Variants in R3HDM1 observed in about 807,000 individuals in gnomAD.
R3HDM1 encodes R3H domain containing 1, also known as R3H domain-containing protein 1.
R3HDM1 carries 46 observed loss-of-function variants against 141.1 expected under a neutral mutation model. The observed-to-expected ratio is 0.33, with a 90% confidence interval of 0.26 to 0.42. The LOEUF (loss-of-function observed/expected upper bound fraction) is 0.42, where lower values mean the gene tolerates loss of function less well. Among genes scored for constraint, R3HDM1 ranks in the 10% least tolerant of loss-of-function variants. R3HDM1 has a pLI of 1.00. For synonymous variants in R3HDM1, 435 were observed against 472.9 expected, an observed-to-expected ratio of 0.92 and a Z score of 1.04; for missense variants, 1,184 against 1,368.3, an observed-to-expected ratio of 0.87 and a Z score of 2.12.
intron 1 of R3HDM1, among the ~76,000 whole-genome samples, chr2:135,583,243 AT>A (rs200649600): frequency 4.0e-5 from 6 of 151,476 alleles, no homozygotes; most frequent in South Asian, 4.2e-4. Flanking sequence ...CATAATACTG[AT>A]TTTTTTTTCA....
chr2:135,586,592 T>A (rs149787428), intron 1 of R3HDM1: 959 of 533,324 alleles, frequency 1.8e-3, no homozygotes, highest in Middle Eastern at 5.7e-3. Flanking sequence ...CCATAATTTT[T>A]GTTAGAGGAT....
At chr2:135,681,942 C>T (rs2070379718) in intron 21 of R3HDM1, among the ~76,000 whole-genome samples, 1 of 151,694 alleles carries the variant, frequency 6.6e-6, no homozygotes, top group Admixed American at 6.6e-5. Flanking sequence ...TGCAAAACTG[C>T]TACAAAATGA....
At chr2:135,546,058 G>A (rs910536299) in intron 1 of R3HDM1, among the ~76,000 whole-genome samples, 2 of 152,152 alleles carry the variant, frequency 1.3e-5, no homozygotes, top group Admixed American at 1.3e-4. Context: ...TGCCTTTCGA[G>A]CAAGTGCCTG....
chr2:135,560,423 C>G (rs1259199370), intron 1 of R3HDM1, among the ~76,000 whole-genome samples: 1 of 152,146 alleles, frequency 6.6e-6, no homozygotes. Context: ...AAGTGATTCT[C>G]CCACCTCAGC....
chr2:135,585,177 T>A (rs1707599961), intron 1 of R3HDM1, among the ~76,000 whole-genome samples: 1 of 152,184 alleles, frequency 6.6e-6, no homozygotes, highest in Non-Finnish European at 1.5e-5. Context: ...GTTTGAAGAT[T>A]TAGGAAGATT....
At chr2:135,652,792 T>G (rs1298756144) in intron 18 of R3HDM1, among the ~76,000 whole-genome samples, 1 of 152,224 alleles carries the variant, frequency 6.6e-6, no homozygotes, top group Non-Finnish European at 1.5e-5. Flanking sequence ...AGGGAAGGTT[T>G]TTAAATTACA....
intron 21 of R3HDM1, among the ~76,000 whole-genome samples, chr2:135,704,497 CAG>C (rs2074638049): frequency 2.1e-5 from 3 of 141,196 alleles, no homozygotes; most frequent in Admixed American, 1.4e-4. Flanking sequence ...TTTTTTGAGA[CAG>C]AGTCTCTTTC....
chr2:135,687,519 C>A (rs925053875), intron 21 of R3HDM1, among the ~76,000 whole-genome samples: 9 of 151,928 alleles, frequency 5.9e-5, no homozygotes, highest in Non-Finnish European at 1.3e-4. Context: ...TTTCTGAGCT[C>A]TGTTCCAGAT....
At chr2:135,621,737 C>A (rs1174480796) in intron 6 of R3HDM1, 129 bp downstream of exon 6, 3 of 1,282,302 alleles carry the variant, frequency 2.3e-6, no homozygotes, top group Non-Finnish European at 1.0e-6. Flanking sequence ...AAGGATGATA[C>A]AGTACTTAAC....
rs538966781 is a variant in R3HDM1 at position 135,608,405 on chromosome 2, C to G, written c.171+3389C>G. Among the ~76,000 whole-genome samples, 409 of 152,076 alleles carry G rather than the reference C, an allele frequency of 2.7e-3. 3 individuals carry two copies. Among genetic ancestry groups the G allele is most frequent in the Middle Eastern group, 6.8e-3 (2 of 294 alleles). On this transcript the variant is annotated intron_variant, in intron 3 of 26. Coordinates refer to ENST00000683871, the MANE Select transcript of R3HDM1 (RefSeq NM_001378107.1). ...TTTTGAGGCCCAAAATGCTTTCATCCAAGGTGCCTGGCAAGGGGTGTACAG... is the reference window on the plus strand; with the variant it reads ...TTTTGAGGCCCAAAATGCTTTCATCGAAGGTGCCTGGCAAGGGGTGTACAG...
At chr2:135,570,352 A>G (rs548604039) in intron 1 of R3HDM1, among the ~76,000 whole-genome samples, 1 of 152,328 alleles carries the variant, frequency 6.6e-6, no homozygotes, top group Admixed American at 6.5e-5. Context: ...CTGTAGGAAT[A>G]CATAAGCAAA....
intron 21 of R3HDM1, among the ~76,000 whole-genome samples, chr2:135,706,958 G>A (rs1393545619): frequency 6.6e-6 from 1 of 151,818 alleles, no homozygotes; most frequent in Non-Finnish European, 1.5e-5. Flanking sequence ...GGGCGGCCGG[G>A]CAGAGGCGCC....
At chr2:135,639,170 A>G (rs778673139) in intron 14 of R3HDM1, 48 bp downstream of exon 14, 4 of 1,559,464 alleles carry the variant, frequency 2.6e-6, no homozygotes, top group Non-Finnish European at 3.5e-6. Flanking sequence ...TAGTTTTCCT[A>G]ATGTTGTCTC....
At chr2:135,614,003 G>A (rs2060785896) in intron 3 of R3HDM1, among the ~76,000 whole-genome samples, 1 of 152,198 alleles carries the variant, frequency 6.6e-6, no homozygotes, top group African/African-American at 2.4e-5. Flanking sequence ...ATGGGGTTCT[G>A]TTTGACTTTA....
chr2:135,673,040 G>A (rs926327544), intron 19 of R3HDM1, among the ~76,000 whole-genome samples: 1 of 152,224 alleles, frequency 6.6e-6, no homozygotes, highest in Non-Finnish European at 1.5e-5. Context: ...CCAGTAGGTG[G>A]TGGTTGCAGT....
chr2:135,569,466 A>G (rs1703557620), intron 1 of R3HDM1, among the ~76,000 whole-genome samples: 1 of 151,874 alleles, frequency 6.6e-6, no homozygotes, highest in African/African-American at 2.4e-5. Flanking sequence ...CTGGGCAACA[A>G]AATGAGACTC....
At chr2:135,619,146 A>C (rs1034605824) in intron 5 of R3HDM1, among the ~76,000 whole-genome samples, 3 of 152,232 alleles carry the variant, frequency 2.0e-5, no homozygotes, top group Admixed American at 6.5e-5. Flanking sequence ...ACCAAAAAAC[A>C]GATGTTACAC....
intron 14 of R3HDM1, among the ~76,000 whole-genome samples, chr2:135,640,571 T>G (rs2063697670): frequency 6.6e-6 from 1 of 152,230 alleles, no homozygotes; most frequent in African/African-American, 2.4e-5. Flanking sequence ...TTTTTAATTC[T>G]TAGGGTAAAT....
In R3HDM1 at chr2:135,709,294, C is replaced by T. The variant is rs970496589; in HGVS notation, c.2460-139C>T. ...TTCACCGTATTAGCCAGGATGTTCT[C>T]GATCTCCTGACCTCGTGATCCGCCC... On this transcript the variant is annotated intron_variant, in intron 21 of 26. Coordinates refer to ENST00000683871, the MANE Select transcript of R3HDM1 (RefSeq NM_001378107.1). 3.8e-5 allele frequency: 42 copies of T among 1,118,962 alleles called. No individual in the cohort carries two copies. In the Middle Eastern group the frequency reaches 8.5e-4, roughly 23 times the overall value. 69.3% of individuals were successfully genotyped at this position (1,118,962 alleles called of 1,614,324 possible).
Sources: allele counts gnomAD v4.1 joint callset (sites outside exome capture counted in the v4.1 genomes callset), GRCh38; gene constraint gnomAD v4.1.1; transcripts MANE v1.5; gene names NCBI Gene and HGNC (gene_info 2026-07-23, HGNC 2026-07-21).